DOP1B: variants seen among roughly 807,000 people sequenced by gnomAD.
The protein encoded by DOP1B is DOP1 leucine zipper like protein B.
In DOP1B, 174 loss-of-function variants were observed where a neutral mutation model predicts 233.5. The ratio of observed to expected loss-of-function variants is 0.75; its 90% CI spans 0.66 to 0.85. The LOEUF (loss-of-function observed/expected upper bound fraction) is 0.85. DOP1B is among the 40% of genes least tolerant of loss of function. DOP1B has a pLI of 0.00. For synonymous variants in DOP1B, 1,190 were observed against 1,185.6 expected (o/e 1.00, Z -0.08); for missense variants, 2,652 against 2,846.6 (o/e 0.93, Z 1.56).
At chr21:36,285,994 T>G in intron 32 of DOP1B, among the ~76,000 whole-genome samples, 1 of 148,940 alleles carries the variant, frequency 6.7e-6, no homozygotes, top group Non-Finnish European at 1.5e-5. Flanking sequence ...GGTGACAGAG[T>G]GAGTGAGACT....
intron 26 of DOP1B, 45 bp downstream of exon 26, chr21:36,263,859 G>A (rs2067203416): frequency 1.3e-6 from 2 of 1,568,532 alleles, no homozygotes; most frequent in Non-Finnish European, 1.8e-6. Context: ...TACCCCAGCA[G>A]TGCTGTCCTC....
Position 36,227,801 on chromosome 21 carries a change from A to G in DOP1B, c.1589A>G (p.Lys530Arg), listed in dbSNP as rs909775990. Residue 530 changes from lysine to arginine, a missense_variant, in exon 13 of 37, where the codon AAG becomes AGG. Lys to Arg is a conservative substitution (Grantham distance 26). Around this residue, in one of 3 missense-constraint regions of DOP1B, gnomAD observed 2,617 missense variants for 2,794.3 expected, o/e 0.94. Coordinates refer to ENST00000691173, the MANE Select transcript of DOP1B (RefSeq NM_001320714.2). ...LSLPELTHAL[K>R]TCFKVLSKVQ... Reference sequence around the variant, plus strand: ...TTACCTGAACTCACGCATGCCTTGAAGACGTGTTTCAAGGTGCTCAGCAAA... The same window carrying G: ...TTACCTGAACTCACGCATGCCTTGAGGACGTGTTTCAAGGTGCTCAGCAAA... 3 of 1,613,714 alleles carry G rather than the reference A, an allele frequency of 1.9e-6. No homozygotes were observed. In the Admixed American group the frequency reaches 5.0e-5, roughly 27 times the overall value.
intron 5 of DOP1B, among the ~76,000 whole-genome samples, chr21:36,209,483 G>A (rs747433274): frequency 6.6e-5 from 10 of 152,218 alleles, no homozygotes; most frequent in Non-Finnish European, 1.0e-4. Flanking sequence ...AGCTGCACAC[G>A]GCGCTCAGAC....
In DOP1B at chr21:36,269,805, A is replaced by G. The variant is rs565346906; in HGVS notation, c.5488-208A>G. 8.3e-4 allele frequency among the ~76,000 whole-genome samples: 127 copies of G among 152,334 alleles called. 5 individuals are homozygous for G. In the South Asian group the frequency reaches 0.025, roughly 31 times the overall value. On this transcript the variant is annotated intron_variant, in intron 26 of 36. Transcript: ENST00000691173. ...CAGCCTCCCAAAGTGCTGGGATTAC[A>G]GGCATGAGCCACTGCACCCAGCCTA...
intron 2 of DOP1B, chr21:36,175,813 A>G (rs978208058): frequency 1.3e-5 from 2 of 152,502 alleles, no homozygotes; most frequent in Admixed American, 1.3e-4. Context: ...AAGAAAAGAA[A>G]AAGAAAAAGA....
chr21:36,213,691 A>G (rs1195800816), intron 7 of DOP1B, among the ~76,000 whole-genome samples: 2 of 151,756 alleles, frequency 1.3e-5, no homozygotes, highest in Admixed American at 6.6e-5. Flanking sequence ...GGTGTGCGCC[A>G]TCACGCCCGG....
Position 36,288,765 on chromosome 21 carries a change from T to C in DOP1B, c.6307T>C (p.Phe2103Leu). 1.2e-6 allele frequency: 2 copies of C among 1,612,392 alleles called. No individual in the cohort carries two copies. The highest frequency in any genetic ancestry group is 1.7e-6 in the Non-Finnish European group (2 of 1,178,760). ...PIMVSELIQT[F>L]TQLEEDLKDE... ...TGCATTTTTTTTTCAGATTCAGACA[T>C]TCACACAGCTTGAAGAAGATCTAAA... Residue 2103 changes from phenylalanine to leucine, a missense_variant, in exon 34 of 37, where the codon TTC (phenylalanine) becomes CTC (leucine). Transcript: ENST00000691173.
chr21:36,244,019 CT>C (rs35020490), intron 18 of DOP1B, among the ~76,000 whole-genome samples: 13,207 of 70,568 alleles, frequency 0.19, 183 homozygotes, highest in African/African-American at 0.22. Flanking sequence ...TTTTCCTTTC[CT>C]TTTTTTTTTT....
intron 2 of DOP1B, among the ~76,000 whole-genome samples, chr21:36,193,904 CAT>C (rs1323670802): frequency 1.3e-5 from 2 of 152,124 alleles, no homozygotes; most frequent in African/African-American, 4.8e-5. Context: ...ACTAAGAGGT[CAT>C]GTGTGTGGAT....
intron 14 of DOP1B, 149 bp downstream of exon 14, chr21:36,231,283 C>A: frequency 9.6e-7 from 1 of 1,041,394 alleles, no homozygotes; most frequent in Non-Finnish European, 1.3e-6. Flanking sequence ...TTGCCTTACA[C>A]TTACCGATTC....
chr21:36,198,910 G>T (rs966454225), intron 2 of DOP1B, among the ~76,000 whole-genome samples, 160 bp from the exon 3 acceptor site: 2 of 152,176 alleles, frequency 1.3e-5, no homozygotes, highest in African/African-American at 4.8e-5. Flanking sequence ...AGCTGCTGTG[G>T]ACTCTCGCCA....
At position 36,293,500 on chromosome 21, in the gene DOP1B, G is replaced by A. The variant is rs1203093110; in HGVS notation, c.6826G>A (p.Asp2276Asn). Residue 2276 changes from aspartate (D) to asparagine (N), a missense_variant, in exon 37 of 37, where the codon GAT becomes AAT. Asp to Asn is a conservative substitution (Grantham distance 23, BLOSUM62 1). Around this residue, in one of 3 missense-constraint regions of DOP1B, gnomAD observed 31 missense variants for 34.2 expected, o/e 0.91. Transcript: ENST00000691173. ...GTPFLDFPVT[D>N]SPRILKQLEE... ...TCCATTCTTGGACTTTCCTGTCACA[G>A]ATAGCCCAAGGATCTTAAAACAACT... 6.2e-7 allele frequency: 1 copy of A among 1,614,124 alleles called. No homozygotes were observed. Among genetic ancestry groups the A allele is most frequent in the South Asian group, 1.1e-5 (1 of 91,082 alleles).
Position 36,253,891 on chromosome 21 carries a change from A to C in DOP1B, c.5241A>C (p.Gln1747His). 6.2e-7 allele frequency: 1 copy of C among 1,613,956 alleles called. No individual in the cohort carries two copies. Among genetic ancestry groups the C allele is most frequent in the Non-Finnish European group, 8.5e-7 (1 of 1,179,960 alleles). ...LVKEVVKRPPQVKGGDEKSPL... is the reference protein window; with the variant it reads ...LVKEVVKRPPHVKGGDEKSPL... ...AGGAGGTGGTGAAGAGGCCACCCCAAGTCAAAGGGGGTGATGAGGTGAGGA... is the reference window on the plus strand; with the variant it reads ...AGGAGGTGGTGAAGAGGCCACCCCACGTCAAAGGGGGTGATGAGGTGAGGA... The change falls in exon 23 of 37, where the codon CAA becomes CAC. Residue 1747 changes from glutamine to histidine, a missense_variant. Transcript: ENST00000691173.
chr21:36,158,354 A>G (rs2242809), intron 1 of DOP1B, among the ~76,000 whole-genome samples: 10,891 of 152,242 alleles, frequency 0.072, 546 homozygotes, highest in Non-Finnish European at 0.11. Flanking sequence ...TCAGTAGCAT[A>G]ATGTAGTGGA....
chr21:36,177,757 G>A (rs1049542065), intron 2 of DOP1B, among the ~76,000 whole-genome samples: 19 of 152,156 alleles, frequency 1.2e-4, no homozygotes, highest in African/African-American at 3.1e-4. Context: ...ACACCACTTC[G>A]GGACTCTGCA....
chr21:36,239,946 A>C lies in DOP1B; in HGVS notation c.3058A>C (p.Asn1020His), dbSNP rs2066874591. The change falls in exon 18 of 37, where the codon AAC becomes CAC. Residue 1020 changes from asparagine (N) to histidine (H), a missense_variant. By Grantham distance (68) the Asn-to-His change is moderately conservative. This residue lies in a region of DOP1B where 2,617 missense variants were observed against 2,794.3 expected (regional missense o/e 0.94). Transcript: ENST00000691173. ...RTSIHCLKQE[N>H]SADDLHRWFN... ...CTCCATCCACTGCCTCAAGCAGGAG[A>C]ACTCGGCCGGTGAGCAGCCTGCACA... 1.9e-6 allele frequency: 3 copies of C among 1,609,302 alleles called. No individual in the cohort carries two copies. The highest frequency in any genetic ancestry group is 1.3e-5 in the African/African-American group (1 of 74,750).
chr21:36,178,192 T>TTATAAGAA (rs540080817), intron 2 of DOP1B, among the ~76,000 whole-genome samples: 239 of 152,256 alleles, frequency 1.6e-3, no homozygotes, highest in Non-Finnish European at 2.7e-3. Flanking sequence ...GACTGTGGCC[T>TTATAAGAA]TATAAGAATA....
At chr21:36,194,947 T>C (rs1368185883) in intron 2 of DOP1B, among the ~76,000 whole-genome samples, 1 of 152,150 alleles carries the variant, frequency 6.6e-6, no homozygotes, top group Non-Finnish European at 1.5e-5. Flanking sequence ...GGCTGACACC[T>C]GTAATCCCAG....
rs577606374 is a variant in DOP1B at position 36,191,206 on chromosome 21, G to A, written c.139-7864G>A. Among the ~76,000 whole-genome samples, 34 of 150,634 alleles carry A rather than the reference G, an allele frequency of 2.3e-4. No individual in the cohort carries two copies. The East Asian group carries it at 4.3e-3, about 19-fold the overall frequency. On this transcript the variant is annotated intron_variant, in intron 2 of 36. Coordinates refer to ENST00000691173, the MANE Select transcript of DOP1B (RefSeq NM_001320714.2). ...GTGTCGTTGGGGGAAGGGTGAAGAC[G>A]CTGTCAGAGAATAAGACATACCCCA...
Sources: gnomAD v4.1 joint callset for allele counts (sites outside exome capture counted in the v4.1 genomes callset) on GRCh38, gnomAD v4.1.1 for gene constraint, gnomAD v4.1.1 regional missense constraint, MANE v1.5 for transcripts, NCBI Gene and HGNC (gene_info 2026-07-23, HGNC 2026-07-21) for gene names.